The following IL36RN variants were observed in gnomAD, a reference collection of about 807,000 sequenced individuals.
IL36RN encodes interleukin 36 receptor antagonist, also known as interleukin-36 receptor antagonist protein.
Under a neutral mutation model 13.0 loss-of-function variants are expected in IL36RN, and 11 were observed. The observed-to-expected ratio is 0.85, with a 90% CI of 0.53 to 1.40. The LOEUF is 1.40. Among genes scored for constraint, IL36RN ranks in the 40% most tolerant of loss-of-function variants. The probability of loss-of-function intolerance (pLI) is 0.00; values close to 1 mark genes in which losing one functional copy is unlikely to be tolerated. For synonymous variants in IL36RN, 94 were observed against 84.1 expected (o/e 1.12, Z -0.64); for missense variants, 195 against 195.3 (o/e 1.00, Z 0.01).
chr2:113,059,072 C>T, upstream of IL36RN: 1 of 334,614 alleles, frequency 3.0e-6, no homozygotes, highest in Non-Finnish European at 5.7e-6. Context: ...TAATGAGCAG[C>T]AAGTGCTTCT....
At chr2:113,060,777 G>A (rs966444788) in intron 2 of IL36RN, 75 bp from the exon 3 acceptor site, 5 of 1,020,502 alleles carry the variant, frequency 4.9e-6, no homozygotes, top group South Asian at 1.3e-5. Context: ...AGATCAGGGG[G>A]TTCTCTGGAT....
intron 2 of IL36RN, 110 bp downstream of exon 2, chr2:113,059,577 A>C: frequency 7.8e-7 from 1 of 1,280,426 alleles, no homozygotes; most frequent in Non-Finnish European, 1.1e-6. Context: ...CTGCCATTGC[A>C]GCTGGGAAAT....
Position 113,062,618 on chromosome 2 carries a change from C to T in IL36RN, c.409C>T (p.Pro137Ser). Residue 137 changes from proline (P) to serine (S), a missense_variant, in exon 5 of 5, where the codon CCC becomes TCC. Pro to Ser is a moderately conservative substitution (Grantham distance 74). Transcript: ENST00000393200. Reference protein sequence around the residue: ...ADQPVRLTQLPENGGWNAPIT... With the variant: ...ADQPVRLTQLSENGGWNAPIT... ...TCAGCCTGTCAGACTCACCCAGCTTCCCGAGAATGGTGGCTGGAATGCCCC... is the reference window on the plus strand; with the variant it reads ...TCAGCCTGTCAGACTCACCCAGCTTTCCGAGAATGGTGGCTGGAATGCCCC... 1 of 1,613,456 alleles carries T rather than the reference C, an allele frequency of 6.2e-7. No homozygotes were observed. Among genetic ancestry groups the T allele is most frequent in the Non-Finnish European group, 8.5e-7 (1 of 1,180,020 alleles).
chr2:113,060,897 G>T lies in IL36RN; in HGVS notation c.75G>T (p.Gln25His). 2.5e-6 allele frequency: 4 copies of T among 1,614,202 alleles called. No individual in the cohort carries two copies. Among genetic ancestry groups the T allele is most frequent in the Non-Finnish European group, 3.4e-6 (4 of 1,180,032 alleles). The change falls in exon 3 of 5, where the codon CAG becomes CAT. Residue 25 changes from glutamine (Q) to histidine (H), a missense_variant. By Grantham distance (24) the Gln-to-His change is conservative. Transcript: ENST00000393200. ...ALKVLYLHNN[Q>H]LLAGGLHAGK... Reference sequence around the variant, plus strand: ...AGGTGCTTTATCTGCATAATAACCAGCTTCTAGCTGGAGGGCTGCATGCAG... The same window carrying T: ...AGGTGCTTTATCTGCATAATAACCATCTTCTAGCTGGAGGGCTGCATGCAG...
intron 2 of IL36RN, among the ~76,000 whole-genome samples, 170 bp from the exon 3 acceptor site, chr2:113,060,682 G>C (rs1349373667): frequency 6.6e-6 from 1 of 152,256 alleles, no homozygotes; most frequent in African/African-American, 2.4e-5. Flanking sequence ...CATCCTCCTT[G>C]TAGGGCATGA....
At chr2:113,060,521 C>T (rs550950827) in intron 2 of IL36RN, among the ~76,000 whole-genome samples, 3 of 152,274 alleles carry the variant, frequency 2.0e-5, no homozygotes, top group African/African-American at 7.2e-5. Flanking sequence ...TTGTCTCCTG[C>T]GACTCAGCAG....
In IL36RN at chr2:113,062,577, C is replaced by A; in HGVS notation, c.368C>A (p.Thr123Lys). ...GCCTACCCGGGCTGGTTCCTGTGCA[C>A]GGTGCCTGAAGCCGATCAGCCTGTC... ...SAAYPGWFLC[T>K]VPEADQPVRL... The change falls in exon 5 of 5, where the codon ACG (threonine) becomes AAG (lysine). Residue 123 changes from threonine (T) to lysine (K), a missense_variant. Physicochemically the swap from Thr to Lys is moderately conservative, Grantham distance 78 (BLOSUM62 -1). Coordinates refer to ENST00000393200, the MANE Select transcript of IL36RN (RefSeq NM_012275.3). The A allele has an allele frequency of 6.2e-7, 1 of 1,613,868 alleles. No homozygotes were observed. Among genetic ancestry groups the A allele is most frequent in the South Asian group, 1.1e-5 (1 of 91,072 alleles).
chr2:113,062,029 G>A, intron 3 of IL36RN, 95 bp from the exon 4 acceptor site: 22 of 1,533,508 alleles, frequency 1.4e-5, no homozygotes, highest in Non-Finnish European at 1.9e-5. Context: ...CCTGGGGGCA[G>A]GCCGTCTTAC....
rs1685671393 is a variant in IL36RN, at chr2:113,062,850, G to A, written c.*173G>A. The A allele has an allele frequency of 1.5e-6, 1 of 685,848 alleles. No homozygotes were observed. Among genetic ancestry groups the A allele is most frequent in the Non-Finnish European group, 2.6e-6 (1 of 384,922 alleles). 42.5% of individuals were successfully genotyped at this position (685,848 alleles called of 1,614,324 possible). On this transcript the variant is annotated 3_prime_UTR_variant, in exon 5 of 5. Coordinates refer to ENST00000393200, the MANE Select transcript of IL36RN (RefSeq NM_012275.3). ...CAGTTTGGATAAATTCTGAGATTTGGAGCTCAGTCCACGGTCCTCCCCCAC... is the reference window on the plus strand; with the variant it reads ...CAGTTTGGATAAATTCTGAGATTTGAAGCTCAGTCCACGGTCCTCCCCCAC...
chr2:113,060,559 C>G (rs922480087), intron 2 of IL36RN, among the ~76,000 whole-genome samples: 1 of 152,164 alleles, frequency 6.6e-6, no homozygotes, highest in Non-Finnish European at 1.5e-5. Flanking sequence ...GGGCAAGAAC[C>G]TAGGGCTCTG....
chr2:113,060,825 A>T (rs1472296040), intron 2 of IL36RN, 27 bp from the exon 3 acceptor site: 1 of 1,553,964 alleles, frequency 6.4e-7, no homozygotes, highest in Non-Finnish European at 8.9e-7. Context: ...CTCCTAATGT[A>T]GTCCTCACCC....
intron 3 of IL36RN, 55 bp downstream of exon 3, chr2:113,060,992 G>A (rs780205908): frequency 1.2e-5 from 16 of 1,357,658 alleles, no homozygotes; most frequent in Non-Finnish European, 1.6e-5. Context: ...CTCAGGGGAG[G>A]GGGCCTGAAG....
Position 113,062,797 on chromosome 2 carries a change from G to T in IL36RN, c.*120G>T. On this transcript the variant is annotated 3_prime_UTR_variant, in exon 5 of 5. Coordinates refer to ENST00000393200, the MANE Select transcript of IL36RN (RefSeq NM_012275.3). The stretch of plus-strand genomic sequence containing the variant: ...AGGACCCCCACGTCTGACTTAGTGG[G>T]CACCTGACCACTTTGTCTTCTGGTT... 1 of 865,978 alleles carries T rather than the reference G, an allele frequency of 1.2e-6. No homozygotes were observed. Among genetic ancestry groups the T allele is most frequent in the Non-Finnish European group, 1.9e-6 (1 of 537,126 alleles). 53.6% of individuals were successfully genotyped at this position (865,978 alleles called of 1,614,324 possible).
Position 113,063,839 on chromosome 2 carries a change from C to T in IL36RN, c.*1162C>T, listed in dbSNP as rs1400973773. ...TGGTAATTCTTTCCTAGAAGGATCACAGCCCCTGGGATTCCAAGGCATTGG... is the reference window on the plus strand; with the variant it reads ...TGGTAATTCTTTCCTAGAAGGATCATAGCCCCTGGGATTCCAAGGCATTGG... On this transcript the variant is annotated 3_prime_UTR_variant, in exon 5 of 5. Transcript: ENST00000393200. The T allele has an allele frequency of 1.3e-5, 2 of 152,200 alleles. No homozygotes were observed. The highest frequency in any genetic ancestry group is 4.8e-5 in the African/African-American group (2 of 41,456). 9.4% of individuals were successfully genotyped at this position (152,200 alleles called of 1,614,324 possible). A position where few individuals can be genotyped will look rare whatever the true frequency, so the allele number is the denominator to read the frequency against.
rs541099769 is a variant in IL36RN, at chr2:113,063,227, T to A, written c.*550T>A. ...TTCCCTCATCATCTTGTTGTGGGCA[T>A]GAGGAGGTGCTGATGTCAGAAGAAA... On this transcript the variant is annotated 3_prime_UTR_variant, in exon 5 of 5. Transcript: ENST00000393200. The A allele has an allele frequency of 5.7e-6, 1 of 176,554 alleles. No individual in the cohort carries two copies. The highest frequency in any genetic ancestry group is 1.4e-4 in the East Asian group (1 of 6,960). The allele number at this position is 176,554 out of a possible 1,614,324, so 10.9% of individuals were successfully genotyped here.
rs988841616 is a variant in IL36RN at position 113,063,770 on chromosome 2, T to C, written c.*1093T>C. The C allele has an allele frequency of 6.6e-6, 1 of 152,216 alleles. No homozygotes were observed. Among genetic ancestry groups the C allele is most frequent in the African/African-American group, 2.4e-5 (1 of 41,452 alleles). 9.4% of individuals were successfully genotyped at this position (152,216 alleles called of 1,614,324 possible). On this transcript the variant is annotated 3_prime_UTR_variant, in exon 5 of 5. Transcript: ENST00000393200. ...AGGAGGAGGCTGTGCTGAGTTTGTG[T>C]GGCTGGAATCTCTGGGTAAGGAACT...
In IL36RN at chr2:113,064,558, G is replaced by T. The variant is rs996878; in HGVS notation, c.*1881G>T. ...TCACTCGCTCTGGGGGAAGCTAGCT[G>T]CCATGCTATGAGCAGGCCTATAAAG... is the stretch of plus-strand genomic sequence containing the variant. On this transcript the variant is annotated 3_prime_UTR_variant, in exon 5 of 5. Transcript: ENST00000393200. The T allele has an allele frequency of 0.17, 25,242 of 152,112 alleles. 2,800 individuals are homozygous for T. The highest frequency in any genetic ancestry group is 0.31 in the African/African-American group (12,723 of 41,434). The allele number at this position is 152,112 out of a possible 1,614,324, so 9.4% of individuals were successfully genotyped here. A position where few individuals can be genotyped will look rare whatever the true frequency, so the allele number is the denominator to read the frequency against.
At chr2:113,059,614 A>G in intron 2 of IL36RN, 147 bp downstream of exon 2, 1 of 887,704 alleles carries the variant, frequency 1.1e-6, no homozygotes, top group East Asian at 2.6e-5. Flanking sequence ...CTGCTCTTAG[A>G]GTTTTCCCAG....
chr2:113,061,795 G>T (rs1187992931), intron 3 of IL36RN, among the ~76,000 whole-genome samples: 1 of 152,074 alleles, frequency 6.6e-6, no homozygotes, highest in Non-Finnish European at 1.5e-5. Flanking sequence ...AATTCCAAAG[G>T]GGGGCTTATC....
Sources: allele counts gnomAD v4.1 joint callset (sites outside exome capture counted in the v4.1 genomes callset), GRCh38; gene constraint gnomAD v4.1.1; transcripts MANE v1.5; gene names NCBI Gene and HGNC (gene_info 2026-07-23, HGNC 2026-07-21).